XIRP2: variants seen among roughly 807,000 people sequenced by gnomAD.
XIRP2 encodes the protein xin actin-binding repeat-containing protein 2.
A neutral mutation model predicts 277.0 loss-of-function variants in XIRP2; 236 were observed. The observed-to-expected ratio is 0.85, with a 90% confidence interval of 0.77 to 0.95. The LOEUF is 0.95. XIRP2 is among the 40% of genes least tolerant of loss of function. The pLI, the probability that XIRP2 is intolerant of heterozygous loss-of-function variation, is 0.00. For missense variants in XIRP2, 4,640 were observed against 4,157.5 expected (o/e 1.12, Z -3.19); for synonymous variants, 1,490 against 1,416.5 (o/e 1.05, Z -1.17).
chr2:167,033,843 T>C (rs1688432880), intron 2 of XIRP2, among the ~76,000 whole-genome samples: 1 of 152,076 alleles, frequency 6.6e-6, no homozygotes, highest in African/African-American at 2.4e-5. Context: ...AGGTATTTCA[T>C]CAATACTAGA....
rs142641550 is a variant in XIRP2 at position 167,251,936 on chromosome 2, C to T, written c.10544C>T (p.Ala3515Val). ...EMRTTFQEES[A>V]FISEAAAPRQ... is the part of the protein sequence containing the mutation. ...AGAACCACCTTCCAAGAGGAATCTG[C>T]ATTTATAAGTGGTAAATGAGCTTGC... The change falls in exon 9 of 11, where the codon GCA becomes GTA. Residue 3515 changes from alanine to valine, a missense_variant. Physicochemically the swap from Ala to Val is moderately conservative, Grantham distance 64 (BLOSUM62 0). Transcript: ENST00000409195. The T allele has an allele frequency of 7.7e-6, 12 of 1,551,396 alleles. No homozygotes were observed. The highest frequency in any genetic ancestry group is 1.4e-5 in the African/African-American group (1 of 72,416).
intron 3 of XIRP2, among the ~76,000 whole-genome samples, chr2:167,161,522 ACTTGCACC>A: frequency 6.6e-6 from 1 of 152,130 alleles, no homozygotes; most frequent in Non-Finnish European, 1.5e-5. Flanking sequence ...AAGGCTTGGG[ACTTGCACC>A]CTCTGAAGCC....
chr2:166,926,396 A>G (rs1404736827), intron 2 of XIRP2, among the ~76,000 whole-genome samples: 1 of 152,130 alleles, frequency 6.6e-6, no homozygotes, highest in Non-Finnish European at 1.5e-5. Flanking sequence ...GATTTAAAAT[A>G]GTGACCATTA....
In XIRP2 at chr2:167,245,046, A is replaced by G. The variant is rs187919703; in HGVS notation, c.3654A>G (p.Glu1218=). The G allele has an allele frequency of 2.8e-5, 45 of 1,612,112 alleles. No individual in the cohort carries two copies. In the African/African-American group the frequency reaches 5.9e-4, roughly 21 times the overall value. ...ATTCTATAAGTTCTAGTTCAGAGGAAGTTTTGAAAAAGATCAAAACCTTAA... is the reference window on the plus strand; with the variant it reads ...ATTCTATAAGTTCTAGTTCAGAGGAGGTTTTGAAAAAGATCAAAACCTTAA... ...SLDSISSSSE[E]VLKKIKTLKT... is the part of the protein sequence containing the mutation. The change falls in exon 9 of 11, where the codon GAA becomes GAG. Residue 1218 remains glutamate, a synonymous_variant. Transcript: ENST00000409195.
intron 2 of XIRP2, among the ~76,000 whole-genome samples, chr2:167,051,695 C>G (rs1688918965): frequency 1.3e-5 from 2 of 152,006 alleles, no homozygotes; most frequent in South Asian, 4.2e-4. Flanking sequence ...CTATATTTAC[C>G]TTTTTGGTCT....
chr2:167,243,645 G>C lies in XIRP2; in HGVS notation c.2253G>C (p.Met751Ile), dbSNP rs762622713. Residue 751 changes from methionine to isoleucine, a missense_variant, in exon 9 of 11, where the codon ATG becomes ATC. Transcript: ENST00000409195. Reference protein sequence around the residue: ...LYVIRDGSGQMLEIKTVHRED... With the variant: ...LYVIRDGSGQILEIKTVHRED... ...TTATTAGAGATGGTTCGGGCCAAAT[G>C]CTGGAAATTAAAACTGTTCACAGAG... 2 of 1,613,952 alleles carry C rather than the reference G, an allele frequency of 1.2e-6. No homozygotes were observed. The highest frequency in any genetic ancestry group is 4.5e-5 in the East Asian group (2 of 44,850).
At chr2:167,220,063 G>A (rs1028013193) in intron 5 of XIRP2, among the ~76,000 whole-genome samples, 23 of 152,120 alleles carry the variant, frequency 1.5e-4, no homozygotes, top group African/African-American at 3.6e-4. Flanking sequence ...TAAATTTTGG[G>A]GAGTTTTGGA....
At chr2:167,211,022 G>A in intron 4 of XIRP2, 127 bp downstream of exon 4, 1 of 1,169,694 alleles carries the variant, frequency 8.5e-7, no homozygotes, top group Non-Finnish European at 1.2e-6. Flanking sequence ...CAAAAATAGT[G>A]TGTGAAATAA....
intron 2 of XIRP2, among the ~76,000 whole-genome samples, chr2:167,130,657 T>A (rs1691347601): frequency 6.6e-6 from 1 of 152,044 alleles, no homozygotes; most frequent in Admixed American, 6.6e-5. Flanking sequence ...TACCCTTTCT[T>A]TTCTTTCTTT....
chr2:166,957,032 C>T (rs1044328398), intron 2 of XIRP2, among the ~76,000 whole-genome samples: 1 of 151,762 alleles, frequency 6.6e-6, no homozygotes, highest in Non-Finnish European at 1.5e-5. Flanking sequence ...TATAATGTTA[C>T]ACCCTCTTTA....
At chr2:167,139,581 G>A (rs1691652711) in intron 3 of XIRP2, among the ~76,000 whole-genome samples, 1 of 152,078 alleles carries the variant, frequency 6.6e-6, no homozygotes, top group Admixed American at 6.6e-5. Context: ...AAAACAAACT[G>A]AGACTTCTGT....
At chr2:167,027,611 T>C (rs1369673004) in intron 2 of XIRP2, among the ~76,000 whole-genome samples, 2 of 152,242 alleles carry the variant, frequency 1.3e-5, no homozygotes, top group South Asian at 4.1e-4. Context: ...GGTTTTCTGC[T>C]CTGTTTTTTC....
At chr2:167,096,960 T>A (rs1690336322) in intron 2 of XIRP2, among the ~76,000 whole-genome samples, 1 of 152,184 alleles carries the variant, frequency 6.6e-6, no homozygotes, top group South Asian at 2.1e-4. Flanking sequence ...GTGTTTTACT[T>A]CCAATTATGT....
intron 2 of XIRP2, among the ~76,000 whole-genome samples, chr2:166,964,993 G>A (rs1686392431): frequency 6.6e-6 from 1 of 151,814 alleles, no homozygotes; most frequent in African/African-American, 2.4e-5. Flanking sequence ...GACATGGTAT[G>A]TCAGAGGCAT....
At chr2:166,972,075 G>A (rs962775674) in intron 2 of XIRP2, among the ~76,000 whole-genome samples, 2 of 151,990 alleles carry the variant, frequency 1.3e-5, no homozygotes, top group African/African-American at 4.8e-5. Context: ...ATTTAGATGA[G>A]CCCCCACCTC....
intron 2 of XIRP2, among the ~76,000 whole-genome samples, chr2:166,988,127 C>A (rs1687058550): frequency 6.6e-6 from 1 of 152,178 alleles, no homozygotes; most frequent in Non-Finnish European, 1.5e-5. Context: ...GAAAACCCAA[C>A]TTTGCATGAG....
At chr2:167,136,963 G>A (rs778538267) in intron 3 of XIRP2, among the ~76,000 whole-genome samples, 6 of 152,192 alleles carry the variant, frequency 3.9e-5, no homozygotes, top group Non-Finnish European at 8.8e-5. Flanking sequence ...GAATCAGCAC[G>A]TCAGCATCAC....
At chr2:167,214,134 G>GAAGGAAGGAAGCAAGCAAGC (rs376588444) in intron 4 of XIRP2, among the ~76,000 whole-genome samples, 1 of 112,102 alleles carries the variant, frequency 8.9e-6, no homozygotes. Flanking sequence ...AGGAAGGAAG[G>GAAGGAAGGAAGCAAGCAAGC]AAGCAAAGAG....
chr2:167,100,079 A>T (rs1049966598), intron 2 of XIRP2, among the ~76,000 whole-genome samples: 4 of 152,138 alleles, frequency 2.6e-5, no homozygotes, highest in Admixed American at 2.6e-4. Context: ...GAAATGGTTT[A>T]ACCACTGAAT....
Sources: allele counts gnomAD v4.1 joint callset (sites outside exome capture counted in the v4.1 genomes callset), GRCh38; gene constraint gnomAD v4.1.1; transcripts MANE v1.5; gene names NCBI Gene and HGNC (gene_info 2026-07-23, HGNC 2026-07-21).